The following ZHX2 variants were observed in gnomAD, a reference collection of about 807,000 sequenced individuals.
The protein encoded by ZHX2 is zinc fingers and homeoboxes 2.
Under a neutral mutation model 21.9 loss-of-function variants are expected in ZHX2, and 6 were observed. The observed-to-expected ratio is 0.27, with a 90% confidence interval of 0.15 to 0.54. ZHX2 has a LOEUF of 0.54. Among genes scored for constraint, ZHX2 ranks in the 20% least tolerant of loss-of-function variants. The pLI is 0.95. For missense variants in ZHX2, 908 were observed against 1,090.7 expected (o/e 0.83, Z 2.36); for synonymous variants, 434 against 437.1 (o/e 0.99, Z 0.09).
chr8:122,859,737 G>T (rs1819116931), intron 1 of ZHX2, among the ~76,000 whole-genome samples: 1 of 152,054 alleles, frequency 6.6e-6, no homozygotes, highest in South Asian at 2.1e-4. Flanking sequence ...TTTATACATT[G>T]TACCTTCTCC....
At chr8:122,921,407 G>A (rs1164597154) in intron 2 of ZHX2, among the ~76,000 whole-genome samples, 2 of 152,174 alleles carry the variant, frequency 1.3e-5, no homozygotes, top group Middle Eastern at 3.4e-3. Flanking sequence ...TTGTGCCCAA[G>A]TGCTGACCAC....
chr8:122,900,233 G>A (rs113535833), intron 2 of ZHX2, among the ~76,000 whole-genome samples: 5,522 of 152,132 alleles, frequency 0.036, 332 homozygotes, highest in African/African-American at 0.13. Flanking sequence ...TACAAGAAGC[G>A]TGGTGCCAGC....
At chr8:122,943,950 C>T (rs1586409972) in intron 2 of ZHX2, among the ~76,000 whole-genome samples, 1 of 152,206 alleles carries the variant, frequency 6.6e-6, no homozygotes, top group African/African-American at 2.4e-5. Flanking sequence ...GTTGTTCAGC[C>T]TCCTCTCTAC....
At chr8:122,783,032 C>A (rs898862206) in intron 1 of ZHX2, among the ~76,000 whole-genome samples, 1 of 152,102 alleles carries the variant, frequency 6.6e-6, no homozygotes, top group Non-Finnish European at 1.5e-5. Context: ...GGCCTCGTAG[C>A]TGTGCTGAGC....
rs73331774 is a variant in ZHX2 at position 122,818,372 on chromosome 8, C to T, written c.-283+36426C>T. 5.9e-3 allele frequency among the ~76,000 whole-genome samples: 892 copies of T among 152,122 alleles called. 10 individuals carry two copies. The highest frequency in any genetic ancestry group is 0.02 in the African/African-American group (847 of 41,482). On this transcript the variant is annotated intron_variant, in intron 1 of 3. Transcript: ENST00000314393. The stretch of plus-strand genomic sequence containing the variant: ...ATTCATACCCCTCGTGTCTGCAAGG[C>T]GAATATGACCATGTTTCATCCCCAT...
chr8:122,889,286 T>C (rs538590382), intron 2 of ZHX2, among the ~76,000 whole-genome samples: 5 of 152,272 alleles, frequency 3.3e-5, no homozygotes, highest in African/African-American at 9.6e-5. Context: ...ATTTTTAGCT[T>C]TTTGAGGAAC....
Position 122,953,131 on chromosome 8 carries a change from G to A in ZHX2, c.1621G>A (p.Val541Ile), listed in dbSNP as rs1813177316. 1.2e-6 allele frequency: 2 copies of A among 1,613,930 alleles called. No individual in the cohort carries two copies. Among genetic ancestry groups the A allele is most frequent in the Non-Finnish European group, 1.7e-6 (2 of 1,180,036 alleles). Residue 541 changes from valine to isoleucine, a missense_variant, in exon 3 of 4, where the codon GTT (valine) becomes ATT (isoleucine). By Grantham distance (29) the Val-to-Ile change is conservative. Coordinates refer to ENST00000314393, the MANE Select transcript of ZHX2 (RefSeq NM_014943.5). This position sits in a 1 kb window ranked among gnomAD's most constrained non-coding sequence, Gnocchi z 4.6. ...GTTCAAAGAGAAAACACAGGGTCAGGTTAAAATCTTGGAAGACAGCTTTTT... is the reference window on the plus strand; with the variant it reads ...GTTCAAAGAGAAAACACAGGGTCAGATTAAAATCTTGGAAGACAGCTTTTT... Reference protein sequence around the residue: ...QKFKEKTQGQVKILEDSFLKS... With the variant: ...QKFKEKTQGQIKILEDSFLKS...
intron 2 of ZHX2, among the ~76,000 whole-genome samples, chr8:122,908,185 G>A (rs145612231): frequency 3.9e-5 from 6 of 152,096 alleles, no homozygotes; most frequent in Non-Finnish European, 2.9e-5. Flanking sequence ...TGTGTCAACT[G>A]TAAAGTCCTT....
At chr8:122,919,379 A>AT (rs1355965738) in intron 2 of ZHX2, among the ~76,000 whole-genome samples, 1 of 151,982 alleles carries the variant, frequency 6.6e-6, no homozygotes, top group East Asian at 1.9e-4. Context: ...TTCTCAGTCT[A>AT]TTTTTTCTGC....
chr8:122,887,893 A>G (rs1472537397), intron 2 of ZHX2, among the ~76,000 whole-genome samples: 1 of 149,166 alleles, frequency 6.7e-6, no homozygotes, highest in Non-Finnish European at 1.5e-5. Context: ...CTTGCCGGCC[A>G]GGGCTCATCA....
chr8:122,896,583 G>A (rs890003854), intron 2 of ZHX2, among the ~76,000 whole-genome samples: 3 of 152,164 alleles, frequency 2.0e-5, no homozygotes, highest in African/African-American at 7.2e-5. Context: ...AACATGCTAA[G>A]GCTCCAGCCA....
intron 1 of ZHX2, among the ~76,000 whole-genome samples, chr8:122,803,379 A>G (rs1182317289): frequency 6.6e-6 from 1 of 152,142 alleles, no homozygotes; most frequent in East Asian, 1.9e-4. Context: ...CCTCTTCGGT[A>G]TCAGGTCTCC....
chr8:122,781,891 C>G lies in ZHX2; in HGVS notation c.-338C>G, dbSNP rs1465124444. 6.6e-6 allele frequency: 1 copy of G among 152,256 alleles called. No individual in the cohort carries two copies. Among genetic ancestry groups the G allele is most frequent in the African/African-American group, 2.4e-5 (1 of 41,410 alleles). 9.4% of individuals were successfully genotyped at this position (152,256 alleles called of 1,614,324 possible). Reference sequence around the variant, plus strand: ...CAGCAGAGTTCCATTTTGGAACGCCCGTGCCGCGTCTCCGCGTTCCCAGCC... The same window carrying G: ...CAGCAGAGTTCCATTTTGGAACGCCGGTGCCGCGTCTCCGCGTTCCCAGCC... On this transcript the variant is annotated 5_prime_UTR_variant, in exon 1 of 4. Transcript: ENST00000314393. This position sits in a 1 kb window ranked among gnomAD's most constrained non-coding sequence, Gnocchi z 4.6.
At chr8:122,958,679 G>C (rs1431942316) in intron 3 of ZHX2, among the ~76,000 whole-genome samples, 2 of 152,182 alleles carry the variant, frequency 1.3e-5, no homozygotes, top group Non-Finnish European at 2.9e-5. Context: ...CCTCTCAACT[G>C]TCAGGCCAGT....
At chr8:122,883,382 G>C (rs771148650) in intron 2 of ZHX2, among the ~76,000 whole-genome samples, 22 of 152,206 alleles carry the variant, frequency 1.4e-4, no homozygotes, top group Non-Finnish European at 2.5e-4. Flanking sequence ...GCAAGAGTAA[G>C]GGAGAAGGGA....
At chr8:122,926,406 T>G (rs940384384) in intron 2 of ZHX2, among the ~76,000 whole-genome samples, 7 of 152,214 alleles carry the variant, frequency 4.6e-5, no homozygotes, top group African/African-American at 1.7e-4. Context: ...TAGTAAACTC[T>G]CTGAGTATAG....
intron 1 of ZHX2, among the ~76,000 whole-genome samples, chr8:122,806,269 T>C (rs1817821515): frequency 6.6e-6 from 1 of 152,198 alleles, no homozygotes; most frequent in Non-Finnish European, 1.5e-5. Flanking sequence ...TGTGCCTCAG[T>C]TTTTCTATCT....
rs116755025 is a variant in ZHX2 at position 122,835,162 on chromosome 8, G to A, written c.-282-28315G>A. On this transcript the variant is annotated intron_variant, in intron 1 of 3. Transcript: ENST00000314393. Reference sequence around the variant, plus strand: ...AGGTAGCATCTTCTGGAAATGAACCGAATCTTTTGTTAATTTGAGAGAGAT... The same window carrying A: ...AGGTAGCATCTTCTGGAAATGAACCAAATCTTTTGTTAATTTGAGAGAGAT... Among the ~76,000 whole-genome samples the A allele has an allele frequency of 3.0e-3, 459 of 152,352 alleles. 3 individuals are homozygous for A. The highest frequency in any genetic ancestry group is 0.01 in the African/African-American group (433 of 41,584).
Position 122,930,649 on chromosome 8 carries a change from T to G in ZHX2, c.-219-20643T>G, listed in dbSNP as rs991262479. ...ACCACGCCTGGCTAATTTTTGTTTT[T>G]TTTTTTTTTTTATTTTTTTCAGTAG... is the stretch of plus-strand genomic sequence containing the variant. On this transcript the variant is annotated intron_variant, in intron 2 of 3. Transcript: ENST00000314393. 1.5e-4 allele frequency among the ~76,000 whole-genome samples: 23 copies of G among 151,892 alleles called. No homozygotes were observed. The South Asian group carries it at 2.5e-3, about 17-fold the overall frequency.
Sources: allele counts gnomAD v4.1 joint callset (sites outside exome capture counted in the v4.1 genomes callset), GRCh38; gene constraint gnomAD v4.1.1; non-coding constraint Gnocchi (gnomAD v3.1); transcripts MANE v1.5; gene names NCBI Gene and HGNC (gene_info 2026-07-23, HGNC 2026-07-21).